Variants in GDF2 observed in about 807,000 individuals in gnomAD.
GDF2 encodes growth/differentiation factor 2.
GDF2 carries 17 observed loss-of-function variants against 16.9 expected under a neutral mutation model. That is an observed-to-expected ratio of 1.00 (90% confidence interval 0.69 to 1.51). The LOEUF (loss-of-function observed/expected upper bound fraction) is 1.51, where lower values mean the gene tolerates loss of function less well. Among genes scored for constraint, GDF2 ranks in the 40% most tolerant of loss-of-function variants. The pLI, the probability that GDF2 is intolerant of heterozygous loss-of-function variation, is 0.00. For missense variants in GDF2, 523 were observed against 556.3 expected (o/e 0.94, Z 0.60); for synonymous variants, 276 against 237.6 (o/e 1.16, Z -1.49).
In GDF2 at chr10:47,325,337, G is replaced by C; in HGVS notation, c.843G>C (p.Glu281Asp). 1 of 1,614,210 alleles carries C rather than the reference G, an allele frequency of 6.2e-7. No individual in the cohort carries two copies. The highest frequency in any genetic ancestry group is 8.5e-7 in the Non-Finnish European group (1 of 1,180,046). ...GGGAGATGATCAGCCATGAACAAGAGAGCGTGCTCAAGAAGCTGTCCAAGG... is the reference window on the plus strand; with the variant it reads ...GGGAGATGATCAGCCATGAACAAGACAGCGTGCTCAAGAAGCTGTCCAAGG... ...ELREMISHEQ[E>D]SVLKKLSKDG... Residue 281 changes from glutamate to aspartate, a missense_variant, in exon 2 of 2, where the codon GAG becomes GAC. Physicochemically the swap from Glu to Asp is conservative, Grantham distance 45 (BLOSUM62 2). Coordinates refer to ENST00000581492, the MANE Select transcript of GDF2 (RefSeq NM_016204.4).
Position 47,325,536 on chromosome 10 carries a change from C to T in GDF2, c.1042C>T (p.Pro348Ser). Residue 348 changes from proline (P) to serine (S), a missense_variant, in exon 2 of 2, where the codon CCC becomes TCC. By Grantham distance (74) the Pro-to-Ser change is moderately conservative. Transcript: ENST00000581492. The part of the protein sequence containing the change: ...DIGWDSWIIA[P>S]KEYEAYECKG... The stretch of plus-strand genomic sequence containing the variant: ...CGGCTGGGACAGCTGGATCATTGCA[C>T]CCAAGGAGTATGAAGCCTACGAGTG... 6.2e-7 allele frequency: 1 copy of T among 1,613,894 alleles called. No individual in the cohort carries two copies. The highest frequency in any genetic ancestry group is 8.5e-7 in the Non-Finnish European group (1 of 1,180,034).
chr10:47,324,746 C>A, intron 1 of GDF2, 95 bp from the exon 2 acceptor site: 1 of 807,152 alleles, frequency 1.2e-6, no homozygotes, highest in Non-Finnish European at 2.0e-6. Flanking sequence ...AAATTGTTAT[C>A]CCAGATGCTC....
At position 47,325,394 on chromosome 10, in the gene GDF2, CGAG is replaced by C. The variant is rs2061102168; in HGVS notation, c.906_908del (p.Glu302del). 2 of 1,613,944 alleles carry C rather than the reference CGAG, an allele frequency of 1.2e-6. No homozygotes were observed. Among genetic ancestry groups the C allele is most frequent in the Non-Finnish European group, 1.7e-6 (2 of 1,180,046 alleles). On this transcript the variant is annotated inframe_deletion, in exon 2 of 2. Transcript: ENST00000581492. ...CCACAGAGGCAGGTGAGAGCAGTCA[CGAG>C]GAGGACACGGATGGCCACGTGGCTG...
In GDF2 at chr10:47,324,987, G is replaced by A. The variant is rs150763972; in HGVS notation, c.493G>A (p.Asp165Asn). The A allele has an allele frequency of 1.2e-6, 2 of 1,614,144 alleles. No individual in the cohort carries two copies. The highest frequency in any genetic ancestry group is 8.5e-7 in the Non-Finnish European group (1 of 1,180,038). Residue 165 changes from aspartate (D) to asparagine (N), a missense_variant, in exon 2 of 2, where the codon GAC (aspartate) becomes AAC (asparagine). Asp to Asn is a conservative substitution (Grantham distance 23, BLOSUM62 1). Transcript: ENST00000581492. ...TCAAAATCACGTGGACCCCTCTCATGACCTGAAAGGAAGCGTGGTCATTTA... is the reference window on the plus strand; with the variant it reads ...TCAAAATCACGTGGACCCCTCTCATAACCTGAAAGGAAGCGTGGTCATTTA... ...SCQNHVDPSH[D>N]LKGSVVIYDV...
chr10:47,324,813 A>G lies in GDF2; in HGVS notation c.347-28A>G, dbSNP rs9971293. 126,497 of 1,495,310 alleles carry G rather than the reference A, an allele frequency of 0.085. 6,849 individuals are homozygous for G. Among genetic ancestry groups the G allele is most frequent in the African/African-American group, 0.21 (14,921 of 72,648 alleles). 92.6% of individuals were successfully genotyped at this position (1,495,310 alleles called of 1,614,324 possible). A position where few individuals can be genotyped will look rare whatever the true frequency, so the allele number is the denominator to read the frequency against. On this transcript the variant is annotated intron_variant, in intron 1 of 1. Transcript: ENST00000581492. ...GTCATGGAAACAGACCCTCCAGCAGATGCCCACCACGTGTGTTTGCATTTC... is the reference window on the plus strand; with the variant it reads ...GTCATGGAAACAGACCCTCCAGCAGGTGCCCACCACGTGTGTTTGCATTTC...
rs1457190996 is a variant in GDF2 at position 47,324,926 on chromosome 10, G to A, written c.432G>A (p.Gln144=). The change falls in exon 2 of 2, where the codon CAG becomes CAA. Residue 144 remains glutamine (Q), a synonymous_variant. Coordinates refer to ENST00000581492, the MANE Select transcript of GDF2 (RefSeq NM_016204.4). The part of the protein sequence containing the change: ...LFNISIPRHE[Q]ITRAELRLYV... Reference sequence around the variant, plus strand: ...ACATCTCCATTCCTAGGCATGAGCAGATCACCAGAGCTGAGCTCCGACTCT... The same window carrying A: ...ACATCTCCATTCCTAGGCATGAGCAAATCACCAGAGCTGAGCTCCGACTCT... The A allele has an allele frequency of 6.2e-7, 1 of 1,614,034 alleles. No homozygotes were observed. The highest frequency in any genetic ancestry group is 8.5e-7 in the Non-Finnish European group (1 of 1,180,006).
chr10:47,325,037 C>T lies in GDF2; in HGVS notation c.543C>T (p.Ala181=), dbSNP rs2061099522. ...ATGATGTTCTGGATGGAACAGATGC[C>T]TGGGATAGTGCTACAGAGACCAAGA... is the stretch of plus-strand genomic sequence containing the variant. ...VIYDVLDGTD[A]WDSATETKTF... is the part of the protein sequence containing the mutation. The change falls in exon 2 of 2, where the codon GCC becomes GCT. Residue 181 remains alanine (A), a synonymous_variant. Coordinates refer to ENST00000581492, the MANE Select transcript of GDF2 (RefSeq NM_016204.4). The T allele has an allele frequency of 6.2e-7, 1 of 1,614,064 alleles. No homozygotes were observed. The highest frequency in any genetic ancestry group is 1.3e-5 in the African/African-American group (1 of 75,062).
Position 47,325,353 on chromosome 10 carries a change from C to A in GDF2, c.859C>A (p.Leu287Met). ...TGAACAAGAGAGCGTGCTCAAGAAGCTGTCCAAGGACGGCTCCACAGAGGC... is the reference window on the plus strand; with the variant it reads ...TGAACAAGAGAGCGTGCTCAAGAAGATGTCCAAGGACGGCTCCACAGAGGC... Reference protein sequence around the residue: ...SHEQESVLKKLSKDGSTEAGE... With the variant: ...SHEQESVLKKMSKDGSTEAGE... The change falls in exon 2 of 2, where the codon CTG (leucine) becomes ATG (methionine). Residue 287 changes from leucine (L) to methionine (M), a missense_variant. Coordinates refer to ENST00000581492, the MANE Select transcript of GDF2 (RefSeq NM_016204.4). The A allele has an allele frequency of 1.9e-6, 3 of 1,614,176 alleles. No homozygotes were observed. Among genetic ancestry groups the A allele is most frequent in the Non-Finnish European group, 2.5e-6 (3 of 1,180,028 alleles).
intron 1 of GDF2, 34 bp from the exon 2 acceptor site, chr10:47,324,807 C>T (rs1555208855): frequency 6.9e-7 from 1 of 1,454,244 alleles, no homozygotes; most frequent in Non-Finnish European, 9.6e-7. Flanking sequence ...ACAGACCCTC[C>T]AGCAGATGCC....
chr10:47,324,644 G>A lies in GDF2; in HGVS notation c.347-197G>A, dbSNP rs550382456. ...GTAGGAACTCTCAATCCCAATTGGA[G>A]GCATCTCCTTTGGAAGATCTTAAGT... On this transcript the variant is annotated intron_variant, in intron 1 of 1. Coordinates refer to ENST00000581492, the MANE Select transcript of GDF2 (RefSeq NM_016204.4). Among the ~76,000 whole-genome samples, 3 of 152,304 alleles carry A rather than the reference G, an allele frequency of 2.0e-5. No individual in the cohort carries two copies. In the South Asian group the frequency reaches 6.2e-4, roughly 32 times the overall value.
intron 1 of GDF2, 114 bp downstream of exon 1, chr10:47,323,128 T>C: frequency 1.5e-6 from 1 of 674,218 alleles, no homozygotes; most frequent in Non-Finnish European, 2.4e-6. Flanking sequence ...CCATTTAAAT[T>C]AGTTACAATG....
rs1423467900 is a variant in GDF2, at chr10:47,325,695, ATCTCCG to A, written c.1204_1209del (p.Ser402_Val403del). ...CTGTGTGCCCACCAAACTGAGCCCC[ATCTCCG>A]TCCTCTACAAGGATGACATGGGGGT... On this transcript the variant is annotated inframe_deletion, in exon 2 of 2. Coordinates refer to ENST00000581492, the MANE Select transcript of GDF2 (RefSeq NM_016204.4). 6.2e-7 allele frequency: 1 copy of A among 1,604,604 alleles called. No individual in the cohort carries two copies. The highest frequency in any genetic ancestry group is 1.3e-5 in the African/African-American group (1 of 74,754).
At chr10:47,324,470 G>T (rs186043319) in intron 1 of GDF2, among the ~76,000 whole-genome samples, 1 of 152,128 alleles carries the variant, frequency 6.6e-6, no homozygotes, top group South Asian at 2.1e-4. Context: ...ATGCATTTTG[G>T]CAATTAACTG....
rs538353085 is a variant in GDF2 at position 47,326,067 on chromosome 10, C to T, written c.*283C>T. ...GACAGGGGGAAAAATAATCCATAGT[C>T]AGCAGAAAACAACAGCAGTGAGCCA... On this transcript the variant is annotated 3_prime_UTR_variant, in exon 2 of 2. Transcript: ENST00000581492. 3.1e-4 allele frequency: 105 copies of T among 340,936 alleles called. No homozygotes were observed. Among genetic ancestry groups the T allele is most frequent in the Non-Finnish European group, 5.3e-4 (99 of 187,150 alleles). The allele number at this position is 340,936 out of a possible 1,614,324, so 21.1% of individuals were successfully genotyped here.
Position 47,325,358 on chromosome 10 carries a change from C to T in GDF2, c.864C>T (p.Ser288=), listed in dbSNP as rs1008499980. Residue 288 remains serine, a synonymous_variant, in exon 2 of 2, where the codon TCC becomes TCT. Coordinates refer to ENST00000581492, the MANE Select transcript of GDF2 (RefSeq NM_016204.4). The stretch of plus-strand genomic sequence containing the variant: ...AAGAGAGCGTGCTCAAGAAGCTGTC[C>T]AAGGACGGCTCCACAGAGGCAGGTG... ...HEQESVLKKL[S]KDGSTEAGES... The T allele has an allele frequency of 8.1e-6, 13 of 1,614,026 alleles. No homozygotes were observed. In the African/African-American group the frequency reaches 1.7e-4, roughly 22 times the overall value.
chr10:47,325,425 G>A lies in GDF2; in HGVS notation c.931G>A (p.Gly311Arg). 1 of 1,613,960 alleles carries A rather than the reference G, an allele frequency of 6.2e-7. No individual in the cohort carries two copies. The highest frequency in any genetic ancestry group is 8.5e-7 in the Non-Finnish European group (1 of 1,180,030). ...EEDTDGHVAA[G>R]STLARRKRSA... ...GGACACGGATGGCCACGTGGCTGCG[G>A]GGTCGACTTTAGCCAGGCGGAAAAG... The change falls in exon 2 of 2, where the codon GGG becomes AGG. Residue 311 changes from glycine to arginine, a missense_variant. Coordinates refer to ENST00000581492, the MANE Select transcript of GDF2 (RefSeq NM_016204.4).
Position 47,322,785 on chromosome 10 carries a change from C to T in GDF2, c.117C>T (p.Ser39=), listed in dbSNP as rs1555208703. The change falls in exon 1 of 2, where the codon AGC becomes AGT. Residue 39 remains serine, a synonymous_variant. Coordinates refer to ENST00000581492, the MANE Select transcript of GDF2 (RefSeq NM_016204.4). ...GGTCTGCTGGGGGAAACGCCCACAG[C>T]CCACTGGGGGTGCCTGGAGGTGGGC... ...GRGSAGGNAH[S]PLGVPGGGLP... 2.5e-6 allele frequency: 4 copies of T among 1,613,560 alleles called. No individual in the cohort carries two copies. Among genetic ancestry groups the T allele is most frequent in the Admixed American group, 1.7e-5 (1 of 60,004 alleles).
At position 47,322,812 on chromosome 10, in the gene GDF2, G is replaced by C; in HGVS notation, c.144G>C (p.Leu48=). The part of the protein sequence containing the change: ...HSPLGVPGGG[L]PEHTFNLKMF... Reference sequence around the variant, plus strand: ...CACTGGGGGTGCCTGGAGGTGGGCTGCCTGAGCACACCTTCAACCTGAAGA... The same window carrying C: ...CACTGGGGGTGCCTGGAGGTGGGCTCCCTGAGCACACCTTCAACCTGAAGA... The change falls in exon 1 of 2, where the codon CTG becomes CTC. Residue 48 remains leucine (L), a synonymous_variant. Coordinates refer to ENST00000581492, the MANE Select transcript of GDF2 (RefSeq NM_016204.4). 6.2e-7 allele frequency: 1 copy of C among 1,613,948 alleles called. No homozygotes were observed. Among genetic ancestry groups the C allele is most frequent in the Admixed American group, 1.7e-5 (1 of 60,024 alleles).
At chr10:47,323,086 AG>A (rs2061091106) in intron 1 of GDF2, 72 bp downstream of exon 1, 8 of 1,113,344 alleles carry the variant, frequency 7.2e-6, no homozygotes, top group Non-Finnish European at 9.1e-6. Context: ...CCCAGGGTGG[AG>A]GCCACTGGCC....
Sources: allele counts gnomAD v4.1 joint callset (sites outside exome capture counted in the v4.1 genomes callset), GRCh38; gene constraint gnomAD v4.1.1; transcripts MANE v1.5; gene names NCBI Gene and HGNC (gene_info 2026-07-23, HGNC 2026-07-21).